Variants in MAD1L1 observed in about 807,000 individuals in gnomAD.
The protein encoded by MAD1L1 is mitotic spindle assembly checkpoint protein MAD1.
Under a neutral mutation model 96.9 loss-of-function variants are expected in MAD1L1, and 95 were observed. The ratio of observed to expected loss-of-function variants is 0.98; its 90% confidence interval spans 0.83 to 1.16. MAD1L1 has a LOEUF of 1.16. Ranked by LOEUF, MAD1L1 falls within the 50% of genes most tolerant of loss-of-function variation. The pLI is 0.00. For missense variants in MAD1L1, 1,007 were observed against 954.4 expected, an observed-to-expected ratio of 1.06 and a Z score of -0.73; for synonymous variants, 473 against 396.6, an observed-to-expected ratio of 1.19 and a Z score of -2.29.
chr7:1,883,717 A>G (rs1785829709), intron 18 of MAD1L1, among the ~76,000 whole-genome samples: 1 of 152,162 alleles, frequency 6.6e-6, no homozygotes, highest in Non-Finnish European at 1.5e-5. Flanking sequence ...GCCGAGGCAG[A>G]GGGTGCAGGT....
intron 15 of MAD1L1, among the ~76,000 whole-genome samples, chr7:1,979,730 G>A (rs573059876): frequency 7.2e-5 from 11 of 152,326 alleles, no homozygotes; most frequent in South Asian, 2.1e-4. Flanking sequence ...TGTCTGAAGC[G>A]GAGCCCAAGG....
At chr7:1,865,870 C>T (rs888147657) in intron 18 of MAD1L1, among the ~76,000 whole-genome samples, 7 of 152,354 alleles carry the variant, frequency 4.6e-5, no homozygotes, top group African/African-American at 9.6e-5. Context: ...CGGGGCTCCA[C>T]GAGCCAGATG....
chr7:2,108,640 T>C (rs575270396), intron 11 of MAD1L1, among the ~76,000 whole-genome samples: 3 of 152,192 alleles, frequency 2.0e-5, no homozygotes, highest in Non-Finnish European at 2.9e-5. Context: ...CTGTAAACAC[T>C]TGATTACCAG....
At chr7:1,948,378 G>GAGGC in intron 16 of MAD1L1, among the ~76,000 whole-genome samples, 1 of 152,150 alleles carries the variant, frequency 6.6e-6, no homozygotes, top group Non-Finnish European at 1.5e-5. Context: ...CTGCCCAGAG[G>GAGGC]CTAAGCGAGG....
intron 10 of MAD1L1, among the ~76,000 whole-genome samples, chr7:2,180,294 C>T (rs1791141405): frequency 6.6e-6 from 1 of 152,228 alleles, no homozygotes; most frequent in African/African-American, 2.4e-5. Flanking sequence ...AGGGCAAAGG[C>T]AGAGTGGCCA....
At chr7:2,123,021 G>A (rs1248475483) in intron 11 of MAD1L1, among the ~76,000 whole-genome samples, 1 of 152,170 alleles carries the variant, frequency 6.6e-6, no homozygotes, top group Non-Finnish European at 1.5e-5. Flanking sequence ...AGCAGCAGGG[G>A]AGCCGGGCGC....
intron 12 of MAD1L1, among the ~76,000 whole-genome samples, chr7:2,066,124 C>T (rs1406027054): frequency 6.6e-6 from 1 of 152,164 alleles, no homozygotes; most frequent in Non-Finnish European, 1.5e-5. Flanking sequence ...GAAATAAAAC[C>T]ACACACTCCA....
At chr7:2,132,818 C>A (rs2128569304) in intron 11 of MAD1L1, among the ~76,000 whole-genome samples, 1 of 152,316 alleles carries the variant, frequency 6.6e-6, no homozygotes. Flanking sequence ...TGTGTGGTTC[C>A]CGACCCCTCC....
At chr7:2,101,686 C>T (rs1295994132) in intron 11 of MAD1L1, among the ~76,000 whole-genome samples, 6 of 152,208 alleles carry the variant, frequency 3.9e-5, no homozygotes, top group Admixed American at 1.3e-4. Flanking sequence ...AGAACAAAGA[C>T]GCTTCTTCCC....
chr7:1,903,349 C>T (rs1306457729), intron 17 of MAD1L1, among the ~76,000 whole-genome samples: 1 of 150,914 alleles, frequency 6.6e-6, no homozygotes, highest in East Asian at 2.0e-4. Context: ...TTGCGGAACT[C>T]ATGATTGATG....
chr7:1,931,800 A>G (rs2128461382), intron 17 of MAD1L1, among the ~76,000 whole-genome samples: 1 of 152,198 alleles, frequency 6.6e-6, no homozygotes, highest in South Asian at 2.1e-4. Context: ...GCTGCTTCTC[A>G]TGCAACTCTG....
At chr7:2,035,067 A>G (rs1452498524) in intron 12 of MAD1L1, among the ~76,000 whole-genome samples, 1 of 152,262 alleles carries the variant, frequency 6.6e-6, no homozygotes, top group East Asian at 1.9e-4. Context: ...CAAACTCCAC[A>G]GGGAAGCCAA....
chr7:2,013,014 T>C (rs1782371135), intron 13 of MAD1L1, among the ~76,000 whole-genome samples: 1 of 152,242 alleles, frequency 6.6e-6, no homozygotes, highest in Admixed American at 6.5e-5. Context: ...ATTACAATCC[T>C]TTCTCCAGAA....
intron 11 of MAD1L1, among the ~76,000 whole-genome samples, chr7:2,074,172 C>T (rs1274567701): frequency 2.0e-5 from 3 of 152,128 alleles, no homozygotes; most frequent in African/African-American, 4.8e-5. Flanking sequence ...GATGGCAGCA[C>T]GGAACACCGC....
chr7:2,118,283 G>A (rs1199168776), intron 11 of MAD1L1, among the ~76,000 whole-genome samples: 1 of 152,216 alleles, frequency 6.6e-6, no homozygotes, highest in Admixed American at 6.5e-5. Flanking sequence ...CTCCTCTGCA[G>A]AACGGGGCCT....
chr7:2,170,895 C>G (rs139791998), intron 10 of MAD1L1, among the ~76,000 whole-genome samples: 1,834 of 152,222 alleles, frequency 0.012, 13 homozygotes, highest in Non-Finnish European at 0.017. Context: ...GGATGGGAAC[C>G]GGAGGAGCCC....
intron 4 of MAD1L1, among the ~76,000 whole-genome samples, chr7:2,224,801 G>C (rs937435342): frequency 6.6e-6 from 1 of 152,186 alleles, no homozygotes; most frequent in African/African-American, 2.4e-5. Context: ...CCCAAGGACA[G>C]GGTGTTTTCC....
intron 11 of MAD1L1, among the ~76,000 whole-genome samples, chr7:2,127,321 G>A (rs888379962): frequency 6.6e-6 from 1 of 152,226 alleles, no homozygotes; most frequent in Non-Finnish European, 1.5e-5. Flanking sequence ...CCCAGCCCCA[G>A]CAAGACACAG....
At chr7:1,854,304 C>T (rs146225123) in intron 18 of MAD1L1, 7 of 444,842 alleles carry the variant, frequency 1.6e-5, no homozygotes, top group East Asian at 1.4e-4. Context: ...GCCCCAGCAG[C>T]GAGCGGACGT....
Sources: allele counts gnomAD v4.1 joint callset (sites outside exome capture counted in the v4.1 genomes callset), GRCh38; gene constraint gnomAD v4.1.1; transcripts MANE v1.5; gene names NCBI Gene and HGNC (gene_info 2026-07-23, HGNC 2026-07-21).